Variants in RFTN1 observed in about 807,000 individuals in gnomAD.
RFTN1 encodes the protein raftlin, lipid raft linker 1.
Under a neutral mutation model 46.5 loss-of-function variants are expected in RFTN1, and 26 were observed. That is an observed-to-expected ratio of 0.56 (90% confidence interval 0.41 to 0.78). RFTN1 has a LOEUF of 0.78. RFTN1 is among the 30% of genes least tolerant of loss of function. The probability of loss-of-function intolerance (pLI) is 0.00; values close to 1 mark genes in which losing one functional copy is unlikely to be tolerated. For missense variants in RFTN1, 693 were observed against 718.7 expected, an observed-to-expected ratio of 0.96 and a Z score of 0.41; for synonymous variants, 261 against 284.2, an observed-to-expected ratio of 0.92 and a Z score of 0.82.
rs886660331 is a variant in RFTN1, at chr3:16,344,897, G to C, written c.1146+13035C>G. Among the ~76,000 whole-genome samples the C allele has an allele frequency of 5.3e-5, 8 of 152,238 alleles. No individual in the cohort carries two copies. The highest frequency in any genetic ancestry group is 1.9e-4 in the African/African-American group (8 of 41,462). On this transcript the variant is annotated intron_variant, in intron 7 of 9. Coordinates refer to ENST00000334133, the MANE Select transcript of RFTN1 (RefSeq NM_015150.2). This position sits in a 1 kb window ranked among gnomAD's most constrained non-coding sequence, Gnocchi z 4.4. ...CACCCCCCAACCTTTTATGCTCACT[G>C]ATTTAATATACTTCAGTTCTCTCTG...
At position 16,433,183 on chromosome 3, in the gene RFTN1, T is replaced by A. The variant is rs1325394620; in HGVS notation, c.332+668A>T. Among the ~76,000 whole-genome samples the A allele has an allele frequency of 3.0e-5, 3 of 101,374 alleles. No homozygotes were observed. The highest frequency in any genetic ancestry group is 6.0e-5 in the Non-Finnish European group (3 of 49,858). 66.5% of individuals were successfully genotyped at this position (101,374 alleles called of 152,430 possible). Reference sequence around the variant, plus strand: ...CATCCCATCCTCACTGTTTTTTTTTTTTAAAAAAATTAATATTGTTCCTTT... The same window carrying A: ...CATCCCATCCTCACTGTTTTTTTTTATTAAAAAAATTAATATTGTTCCTTT... On this transcript the variant is annotated intron_variant, in intron 3 of 9. Transcript: ENST00000334133. This position sits in a 1 kb window ranked among gnomAD's most constrained non-coding sequence, Gnocchi z 4.4.
chr3:16,354,431 C>G (rs756104753), intron 7 of RFTN1, among the ~76,000 whole-genome samples: 5 of 152,226 alleles, frequency 3.3e-5, no homozygotes, highest in South Asian at 4.1e-4. Flanking sequence ...CTGCGTGGAG[C>G]AGAAACTTGA....
At position 16,381,325 on chromosome 3, in the gene RFTN1, A is replaced by G. The variant is rs532696600; in HGVS notation, c.442-3223T>C. 2.0e-5 allele frequency among the ~76,000 whole-genome samples: 3 copies of G among 152,346 alleles called. No homozygotes were observed. The South Asian group carries it at 6.2e-4, about 32-fold the overall frequency. ...GCATGGATGTTACTTTTAGAATTGA[A>G]AAAGTAAATATTGTAAAAATTCCTC... On this transcript the variant is annotated intron_variant, in intron 4 of 9. Coordinates refer to ENST00000334133, the MANE Select transcript of RFTN1 (RefSeq NM_015150.2). This position sits in a 1 kb window ranked among gnomAD's most constrained non-coding sequence, Gnocchi z 4.2.
At chr3:16,434,361 T>TAAACAAAC (rs138527155) in intron 2 of RFTN1, among the ~76,000 whole-genome samples, 2 of 138,054 alleles carry the variant, frequency 1.4e-5, no homozygotes, top group East Asian at 2.1e-4. Flanking sequence ...CGGTCTCTCT[T>TAAACAAAC]AAACAAACAA....
At position 16,489,182 on chromosome 3, in the gene RFTN1, C is replaced by T. The variant is rs779897681; in HGVS notation, c.145+4543G>A. ...CCTGTAATCCCGGCACTTTGGGAAG[C>T]TGAGGCAGGCAGATCACCTGAGATC... is the stretch of plus-strand genomic sequence containing the variant. On this transcript the variant is annotated intron_variant, in intron 2 of 9. Transcript: ENST00000334133. This position sits in a 1 kb window ranked among gnomAD's most constrained non-coding sequence, Gnocchi z 4.0. 1.2e-4 allele frequency among the ~76,000 whole-genome samples: 18 copies of T among 152,128 alleles called. No individual in the cohort carries two copies. Among genetic ancestry groups the T allele is most frequent in the Non-Finnish European group, 2.4e-4 (16 of 68,016 alleles).
At position 16,500,658 on chromosome 3, in the gene RFTN1, T is replaced by G. The variant is rs1312027748; in HGVS notation, c.-8-6781A>C. On this transcript the variant is annotated intron_variant, in intron 1 of 9. Transcript: ENST00000334133. The surrounding 1 kb of genome is among the most constrained non-coding windows in gnomAD (Gnocchi z 5.9). ...ACAAAGATCCCTTGAATGGTGATCTTCTGGAAAAAATTTTGGCTGAATCAA... is the reference window on the plus strand; with the variant it reads ...ACAAAGATCCCTTGAATGGTGATCTGCTGGAAAAAATTTTGGCTGAATCAA... Among the ~76,000 whole-genome samples, 1 of 152,208 alleles carries G rather than the reference T, an allele frequency of 6.6e-6. No individual in the cohort carries two copies. The highest frequency in any genetic ancestry group is 2.4e-5 in the African/African-American group (1 of 41,464).
rs946087101 is a variant in RFTN1, at chr3:16,336,758, T to C, written c.1147-9882A>G. Among the ~76,000 whole-genome samples, 2 of 152,214 alleles carry C rather than the reference T, an allele frequency of 1.3e-5. No individual in the cohort carries two copies. Among genetic ancestry groups the C allele is most frequent in the African/African-American group, 4.8e-5 (2 of 41,462 alleles). On this transcript the variant is annotated intron_variant, in intron 7 of 9. Transcript: ENST00000334133. This position sits in a 1 kb window ranked among gnomAD's most constrained non-coding sequence, Gnocchi z 6.0. Reference sequence around the variant, plus strand: ...AAAAAGCTTCAGTTCTGAGACTCTTTACCCACCCAGTGCTGGTGAATTCAC... The same window carrying C: ...AAAAAGCTTCAGTTCTGAGACTCTTCACCCACCCAGTGCTGGTGAATTCAC...
intron 2 of RFTN1, among the ~76,000 whole-genome samples, chr3:16,476,643 T>A (rs2076285011): frequency 6.6e-6 from 1 of 152,016 alleles, no homozygotes; most frequent in Admixed American, 6.5e-5. Flanking sequence ...ACCCAAGGCT[T>A]CTAGGCAGAG....
chr3:16,316,238 G>C lies in RFTN1; in HGVS notation c.*590C>G, dbSNP rs1051265135. 1 of 154,086 alleles carries C rather than the reference G, an allele frequency of 6.5e-6. No homozygotes were observed. The highest frequency in any genetic ancestry group is 1.4e-5 in the Non-Finnish European group (1 of 69,138). 9.5% of individuals were successfully genotyped at this position (154,086 alleles called of 1,614,324 possible). A position where few individuals can be genotyped will look rare whatever the true frequency, so the allele number is the denominator to read the frequency against. ...AGACAGAATTACTTCTTCATTTCCA[G>C]ATTACCAGTATCTATAGGACTATTT... On this transcript the variant is annotated 3_prime_UTR_variant, in exon 10 of 10. Transcript: ENST00000334133. This position sits in a 1 kb window ranked among gnomAD's most constrained non-coding sequence, Gnocchi z 4.5.
chr3:16,374,690 T>C lies in RFTN1; in HGVS notation c.826+3028A>G, dbSNP rs1259735200. 6.6e-6 allele frequency among the ~76,000 whole-genome samples: 1 copy of C among 152,206 alleles called. No homozygotes were observed. The highest frequency in any genetic ancestry group is 1.5e-5 in the Non-Finnish European group (1 of 68,026). Reference sequence around the variant, plus strand: ...AGAATGATTAGAATTTTCGTGAACCTGTCTAGCCTCCTGGTTTCTCTGATG... The same window carrying C: ...AGAATGATTAGAATTTTCGTGAACCCGTCTAGCCTCCTGGTTTCTCTGATG... On this transcript the variant is annotated intron_variant, in intron 5 of 9. Transcript: ENST00000334133. This position sits in a 1 kb window ranked among gnomAD's most constrained non-coding sequence, Gnocchi z 5.4.
intron 3 of RFTN1, among the ~76,000 whole-genome samples, chr3:16,419,536 G>A (rs751650691): frequency 6.6e-6 from 1 of 152,120 alleles, no homozygotes; most frequent in Admixed American, 6.5e-5. Flanking sequence ...GTGGGCAGGG[G>A]AATAACCTGC....
chr3:16,433,920 G>C lies in RFTN1; in HGVS notation c.263C>G (p.Pro88Arg), dbSNP rs2075445560. ...GGGCGTCTTCTCCCGCTCATGGGTG[G>C]GCTGCACGAAGGGGTGCAGGGCCGC... ...SLAALHPFVQ[P>R]THEREKTPLE... The change falls in exon 3 of 10, where the codon CCC (proline) becomes CGC (arginine). Residue 88 changes from proline (P) to arginine (R), a missense_variant. Transcript: ENST00000334133. The surrounding 1 kb of genome is among the most constrained non-coding windows in gnomAD (Gnocchi z 4.4). 1.2e-6 allele frequency: 2 copies of C among 1,614,070 alleles called. No homozygotes were observed. Among genetic ancestry groups the C allele is most frequent in the African/African-American group, 2.7e-5 (2 of 74,928 alleles).
chr3:16,368,819 A>G (rs2073362307), intron 6 of RFTN1, among the ~76,000 whole-genome samples: 1 of 152,262 alleles, frequency 6.6e-6, no homozygotes, highest in Non-Finnish European at 1.5e-5. Context: ...CAGATGCAGT[A>G]TCCACATTTC....
In RFTN1 at chr3:16,385,807, C is replaced by T. The variant is rs2074152876; in HGVS notation, c.442-7705G>A. Among the ~76,000 whole-genome samples the T allele has an allele frequency of 2.0e-5, 3 of 152,116 alleles. No individual in the cohort carries two copies. The highest frequency in any genetic ancestry group is 2.0e-4 in the Admixed American group (3 of 15,272). Reference sequence around the variant, plus strand: ...ACATCCCAATCTTCCTCAGTGTATGCCCATCAGCAGAATTCAACATATGTG... The same window carrying T: ...ACATCCCAATCTTCCTCAGTGTATGTCCATCAGCAGAATTCAACATATGTG... On this transcript the variant is annotated intron_variant, in intron 4 of 9. Transcript: ENST00000334133. The surrounding 1 kb of genome is among the most constrained non-coding windows in gnomAD (Gnocchi z 5.0).
intron 5 of RFTN1, among the ~76,000 whole-genome samples, chr3:16,372,819 G>A (rs374702281): frequency 1.3e-5 from 2 of 152,210 alleles, no homozygotes; most frequent in East Asian, 3.8e-4. Flanking sequence ...CCAGACTGAA[G>A]CCAGAGACAG....
chr3:16,347,610 C>G (rs535917274), intron 7 of RFTN1: 2 of 152,210 alleles, frequency 1.3e-5, no homozygotes, highest in African/African-American at 4.8e-5. Flanking sequence ...AGATGCATAC[C>G]CACCTCTGTG....
chr3:16,486,571 C>T (rs573083995), intron 2 of RFTN1, among the ~76,000 whole-genome samples: 5 of 152,302 alleles, frequency 3.3e-5, no homozygotes, highest in Admixed American at 2.6e-4. Context: ...CATCTTTTGC[C>T]TGACTAACAG....
rs185073871 is a variant in RFTN1 at position 16,495,982 on chromosome 3, T to G, written c.-8-2105A>C. On this transcript the variant is annotated intron_variant, in intron 1 of 9. Coordinates refer to ENST00000334133, the MANE Select transcript of RFTN1 (RefSeq NM_015150.2). ...ATATGGGGGTGGAGGCAAAGATTTC[T>G]TAAAGAGGACACAAAAAGCTCTAAC... Among the ~76,000 whole-genome samples the G allele has an allele frequency of 8.5e-5, 13 of 152,366 alleles. No individual in the cohort carries two copies. The East Asian group carries it at 2.3e-3, about 27-fold the overall frequency.
In RFTN1 at chr3:16,338,374, G is replaced by A. The variant is rs1221158382; in HGVS notation, c.1147-11498C>T. Among the ~76,000 whole-genome samples the A allele has an allele frequency of 2.0e-5, 3 of 152,238 alleles. No individual in the cohort carries two copies. Among genetic ancestry groups the A allele is most frequent in the African/African-American group, 2.4e-5 (1 of 41,462 alleles). On this transcript the variant is annotated intron_variant, in intron 7 of 9. Transcript: ENST00000334133. This position sits in a 1 kb window ranked among gnomAD's most constrained non-coding sequence, Gnocchi z 5.3. Reference sequence around the variant, plus strand: ...CGATGGCTGGGGCCAACTCTGACCCGTAGCAGGGACAGGCACTGCAGTTCT... The same window carrying A: ...CGATGGCTGGGGCCAACTCTGACCCATAGCAGGGACAGGCACTGCAGTTCT...
Sources: gnomAD v4.1 joint callset for allele counts (sites outside exome capture counted in the v4.1 genomes callset) on GRCh38, gnomAD v4.1.1 for gene constraint, Gnocchi (gnomAD v3.1) non-coding constraint, MANE v1.5 for transcripts, NCBI Gene and HGNC (gene_info 2026-07-23, HGNC 2026-07-21) for gene names.